ADARB2: variants seen among roughly 807,000 people sequenced by gnomAD.
The protein encoded by ADARB2 is inactive double-stranded RNA-specific editase B2.
In ADARB2, 25 loss-of-function variants were observed where a neutral mutation model predicts 62.2. That is an observed-to-expected ratio of 0.40 (90% CI 0.29 to 0.56). The LOEUF (loss-of-function observed/expected upper bound fraction) is 0.56. Ranked by LOEUF, ADARB2 falls within the 20% of genes least tolerant of loss-of-function variation. The probability of loss-of-function intolerance (pLI) is 0.43; values close to 1 mark genes in which losing one functional copy is unlikely to be tolerated. For synonymous variants in ADARB2, 572 were observed against 500.8 expected (o/e 1.14, Z -1.90); for missense variants, 1,071 against 1,077.4 (o/e 0.99, Z 0.08).
At chr10:1,223,591 C>T (rs999571505) in intron 6 of ADARB2, among the ~76,000 whole-genome samples, 42 of 152,196 alleles carry the variant, frequency 2.8e-4, no homozygotes, top group African/African-American at 8.7e-4. Flanking sequence ...TTTTCAGATA[C>T]GTCCCATCAA....
chr10:1,693,355 T>G (rs2173522), intron 1 of ADARB2, among the ~76,000 whole-genome samples: 143,742 of 152,212 alleles, frequency 0.94, 68,067 homozygotes, highest in Non-Finnish European at 0.98. Flanking sequence ...TGATGGTCAA[T>G]GTGGGTAAGA....
chr10:1,505,098 C>G (rs1410101277), intron 1 of ADARB2, among the ~76,000 whole-genome samples: 1 of 149,456 alleles, frequency 6.7e-6, no homozygotes, highest in African/African-American at 2.4e-5. Flanking sequence ...CACACACACA[C>G]ATGCACACAC....
chr10:1,435,451 C>T (rs947140306), intron 1 of ADARB2, among the ~76,000 whole-genome samples: 27 of 152,182 alleles, frequency 1.8e-4, no homozygotes, highest in African/African-American at 6.5e-4. Flanking sequence ...AGGGCAGAGC[C>T]TTTGCTGCCC....
chr10:1,258,150 C>A (rs1236935348), intron 4 of ADARB2, among the ~76,000 whole-genome samples: 1 of 152,134 alleles, frequency 6.6e-6, no homozygotes, highest in East Asian at 1.9e-4. Context: ...CCCTCCCTAA[C>A]TCTTTTTCTT....
chr10:1,501,920 T>C (rs571793594), intron 1 of ADARB2, among the ~76,000 whole-genome samples: 2 of 152,344 alleles, frequency 1.3e-5, no homozygotes, highest in East Asian at 1.9e-4. Flanking sequence ...GGTTTTATTC[T>C]CTTCTTTCGA....
chr10:1,326,168 AACAC>A (rs1456606780), intron 3 of ADARB2, among the ~76,000 whole-genome samples: 1 of 152,244 alleles, frequency 6.6e-6, no homozygotes, highest in Non-Finnish European at 1.5e-5. Context: ...CACAGAGTGA[AACAC>A]ACAGAGAACA....
chr10:1,305,200 TA>T (rs1831614871), intron 3 of ADARB2, among the ~76,000 whole-genome samples: 3 of 141,556 alleles, frequency 2.1e-5, no homozygotes. Context: ...ATAGACGCAA[TA>T]AAAAATGATA....
intron 1 of ADARB2, among the ~76,000 whole-genome samples, chr10:1,492,831 T>C (rs1304160102): frequency 6.6e-6 from 1 of 151,844 alleles, no homozygotes; most frequent in Non-Finnish European, 1.5e-5. Context: ...CAGGGCTTTG[T>C]AGGGGGAGGT....
chr10:1,458,839 C>T (rs75980363), intron 1 of ADARB2, among the ~76,000 whole-genome samples: 291 of 82,738 alleles, frequency 3.5e-3, no homozygotes, highest in Middle Eastern at 0.012. Context: ...ACAAGTGTGA[C>T]GGAACAAACA....
chr10:1,304,385 G>A lies in ADARB2; in HGVS notation c.1078-33316C>T, dbSNP rs1411836918. Among the ~76,000 whole-genome samples the A allele has an allele frequency of 1.3e-4, 20 of 149,874 alleles. 1 individual carries two copies. Among genetic ancestry groups the A allele is most frequent in the African/African-American group, 4.9e-4 (20 of 40,934 alleles). On this transcript the variant is annotated intron_variant, in intron 3 of 9. Coordinates refer to ENST00000381312, the MANE Select transcript of ADARB2 (RefSeq NM_018702.4). ...CCCAGATTCATAAAGCAAGTCCTGA[G>A]TGACCTACAAAGAGACTTAGACTCC...
intron 1 of ADARB2, among the ~76,000 whole-genome samples, chr10:1,379,505 T>C (rs1832463528): frequency 6.6e-6 from 1 of 152,228 alleles, no homozygotes. Context: ...TCGAGATCAT[T>C]TCACAGAGAT....
At chr10:1,232,643 G>T (rs1407538274) in intron 6 of ADARB2, among the ~76,000 whole-genome samples, 1 of 130,616 alleles carries the variant, frequency 7.7e-6, no homozygotes, top group Non-Finnish European at 1.5e-5. Flanking sequence ...TATGTGGTCT[G>T]TGTGTGGTAT....
chr10:1,204,945 G>A (rs955353688), intron 7 of ADARB2, among the ~76,000 whole-genome samples: 4 of 152,220 alleles, frequency 2.6e-5, no homozygotes, highest in African/African-American at 4.8e-5. Flanking sequence ...TTTCCTCAAC[G>A]TGACTGTGAC....
intron 1 of ADARB2, among the ~76,000 whole-genome samples, chr10:1,681,085 C>T (rs185685856): frequency 6.6e-6 from 1 of 152,286 alleles, no homozygotes; most frequent in Non-Finnish European, 1.5e-5. Flanking sequence ...TTGAAGGCAG[C>T]CCCTGGACAG....
intron 1 of ADARB2, among the ~76,000 whole-genome samples, chr10:1,560,658 A>G (rs1180372477): frequency 6.6e-6 from 1 of 152,118 alleles, no homozygotes; most frequent in Non-Finnish European, 1.5e-5. Context: ...CAATTGTAAG[A>G]CTGCAGTCAG....
At chr10:1,222,380 A>C (rs1407307522) in intron 6 of ADARB2, among the ~76,000 whole-genome samples, 1 of 152,030 alleles carries the variant, frequency 6.6e-6, no homozygotes, top group Admixed American at 6.5e-5. Flanking sequence ...GTTCACTCTG[A>C]TGTTAGTTTC....
intron 3 of ADARB2, among the ~76,000 whole-genome samples, chr10:1,337,052 T>C (rs2131836651): frequency 7.7e-6 from 1 of 129,154 alleles, no homozygotes; most frequent in East Asian, 2.3e-4. Flanking sequence ...CCTTTTTTAC[T>C]TAAAGATTTC....
chr10:1,527,171 C>T (rs908321478), intron 1 of ADARB2, among the ~76,000 whole-genome samples: 2 of 152,210 alleles, frequency 1.3e-5, no homozygotes, highest in African/African-American at 4.8e-5. Flanking sequence ...CTCCGCTTCC[C>T]TCAGTTTAAA....
intron 6 of ADARB2, among the ~76,000 whole-genome samples, chr10:1,233,203 T>A (rs1403911133): frequency 6.6e-6 from 1 of 152,124 alleles, no homozygotes; most frequent in African/African-American, 2.4e-5. Flanking sequence ...CTCACCTCCA[T>A]CGATAAATGC....
Sources: allele counts gnomAD v4.1 joint callset (sites outside exome capture counted in the v4.1 genomes callset), GRCh38; gene constraint gnomAD v4.1.1; transcripts MANE v1.5; gene names NCBI Gene and HGNC (gene_info 2026-07-23, HGNC 2026-07-21).